SMO: variants seen among roughly 807,000 people sequenced by gnomAD.
SMO encodes the protein smoothened, frizzled class receptor, also known as protein smoothened.
SMO carries 40 observed loss-of-function variants against 81.6 expected under a neutral mutation model. That is an observed-to-expected ratio of 0.49 (90% confidence interval 0.38 to 0.64). The LOEUF is 0.64. Among genes scored for constraint, SMO ranks in the 30% least tolerant of loss-of-function variants. SMO has a pLI of 0.00. For missense variants in SMO, 916 were observed against 1,061.1 expected, an observed-to-expected ratio of 0.86 and a Z score of 1.90; for synonymous variants, 434 against 432.1, an observed-to-expected ratio of 1.00 and a Z score of -0.05.
chr7:129,206,929 T>G lies in SMO; in HGVS notation c.1264+342T>G, dbSNP rs1793776545. 2.0e-5 allele frequency among the ~76,000 whole-genome samples: 3 copies of G among 152,284 alleles called. No individual in the cohort carries two copies. Among genetic ancestry groups the G allele is most frequent in the African/African-American group, 7.2e-5 (3 of 41,570 alleles). On this transcript the variant is annotated intron_variant, in intron 6 of 11. Transcript: ENST00000249373. This position sits in a 1 kb window ranked among gnomAD's most constrained non-coding sequence, Gnocchi z 4.4. The stretch of plus-strand genomic sequence containing the variant: ...GCACAATCTTGGCTCACTGCAACCT[T>G]CGCCTCCTGGGTTCAAGTGATTCTC...
chr7:129,196,131 C>T (rs955776834), intron 1 of SMO, among the ~76,000 whole-genome samples: 1 of 144,376 alleles, frequency 6.9e-6, no homozygotes, highest in African/African-American at 2.6e-5. Flanking sequence ...AAAAAAAAAA[C>T]AAAAAAAAAT....
chr7:129,207,531 G>GTGTC (rs1421539313), intron 6 of SMO, among the ~76,000 whole-genome samples: 1 of 152,100 alleles, frequency 6.6e-6, no homozygotes, highest in Non-Finnish European at 1.5e-5. Flanking sequence ...TTTTGGCATA[G>GTGTC]TGTCTGGCCC....
intron 1 of SMO, among the ~76,000 whole-genome samples, chr7:129,194,502 G>A (rs1793538541): frequency 6.6e-6 from 1 of 152,182 alleles, no homozygotes; most frequent in Admixed American, 6.5e-5. Flanking sequence ...CTAGACCACA[G>A]TCAGACCCCT....
chr7:129,205,153 G>T (rs900658042), intron 2 of SMO, 50 bp from the exon 3 acceptor site: 10 of 1,527,290 alleles, frequency 6.5e-6, no homozygotes, highest in South Asian at 5.6e-5. Flanking sequence ...TAAACAAGAG[G>T]CTCGTCCCTG....
rs1345333442 is a variant in SMO, at chr7:129,189,632, C to A, written c.331+150C>A. The A allele has an allele frequency of 7.0e-6, 6 of 851,700 alleles. No individual in the cohort carries two copies. Among genetic ancestry groups the A allele is most frequent in the Admixed American group, 2.6e-5 (1 of 38,002 alleles). The allele number at this position is 851,700 out of a possible 1,614,324, so 52.8% of individuals were successfully genotyped here. A position where few individuals can be genotyped will look rare whatever the true frequency, so the allele number is the denominator to read the frequency against. ...GGGACAGATCCCGAAACTTTGGGGG[C>A]AGGTTACGTGCAGGATGGGACCCTC... On this transcript the variant is annotated intron_variant, in intron 1 of 11. Coordinates refer to ENST00000249373, the MANE Select transcript of SMO (RefSeq NM_005631.5). This position sits in a 1 kb window ranked among gnomAD's most constrained non-coding sequence, Gnocchi z 4.7.
intron 1 of SMO, among the ~76,000 whole-genome samples, chr7:129,198,171 C>G (rs570669895): frequency 6.6e-6 from 1 of 152,020 alleles, no homozygotes; most frequent in Non-Finnish European, 1.5e-5. Context: ...AGGTTGGTCT[C>G]GAACTCCTGA....
chr7:129,205,440 G>T (rs1182130007), intron 3 of SMO, 28 bp downstream of exon 3: 2 of 1,594,948 alleles, frequency 1.3e-6, no homozygotes, highest in South Asian at 2.2e-5. Flanking sequence ...AGGCCCGGGG[G>T]GCCCTCAGCC....
rs56116455 is a variant in SMO at position 129,209,466 on chromosome 7, C to G, written c.1466+69C>G. ...AAGGCCATAAAGACACCCACCTCCA[C>G]CCACCGGGCAGCAGGGATTTGCCAG... On this transcript the variant is annotated intron_variant, in intron 8 of 11. Coordinates refer to ENST00000249373, the MANE Select transcript of SMO (RefSeq NM_005631.5). 1.3e-3 allele frequency: 1,321 copies of G among 987,876 alleles called. 23 individuals are homozygous for G. The East Asian group carries it at 0.028, about 21-fold the overall frequency. 61.2% of individuals were successfully genotyped at this position (987,876 alleles called of 1,614,324 possible). A position where few individuals can be genotyped will look rare whatever the true frequency, so the allele number is the denominator to read the frequency against.
At position 129,206,328 on chromosome 7, in the gene SMO, C is replaced by G. The variant is rs1793765145; in HGVS notation, c.1099C>G (p.Leu367Val). ...CTACTTCCACCTGCTCACCTGGTCA[C>G]TCCCCTTTGTCCTCACTGTGGCAAT... is the stretch of plus-strand genomic sequence containing the variant. Reference protein sequence around the residue: ...TSYFHLLTWSLPFVLTVAILA... With the variant: ...TSYFHLLTWSVPFVLTVAILA... The change falls in exon 5 of 12, where the codon CTC (leucine) becomes GTC (valine). Residue 367 changes from leucine to valine, a missense_variant. Transcript: ENST00000249373. The surrounding 1 kb of genome is among the most constrained non-coding windows in gnomAD (Gnocchi z 4.4). The G allele has an allele frequency of 6.2e-7, 1 of 1,614,220 alleles. No homozygotes were observed. Among genetic ancestry groups the G allele is most frequent in the African/African-American group, 1.3e-5 (1 of 75,062 alleles).
rs1451691975 is a variant in SMO at position 129,210,312 on chromosome 7, G to A, written c.1467-51G>A. On this transcript the variant is annotated intron_variant, in intron 8 of 11. Transcript: ENST00000249373. This position sits in a 1 kb window ranked among gnomAD's most constrained non-coding sequence, Gnocchi z 4.7. The stretch of plus-strand genomic sequence containing the variant: ...AGAGCAAGATCCTATCTCAAAAAAA[G>A]AGAGAGGAAAAGAAAGGAAAGCCTC... 6.7e-7 allele frequency: 1 copy of A among 1,485,724 alleles called. No individual in the cohort carries two copies. The highest frequency in any genetic ancestry group is 9.4e-7 in the Non-Finnish European group (1 of 1,065,906). The allele number at this position is 1,485,724 out of a possible 1,614,324, so 92.0% of individuals were successfully genotyped here.
Position 129,189,044 on chromosome 7 carries a change from C to T in SMO, c.-108C>T. On this transcript the variant is annotated 5_prime_UTR_variant, in exon 1 of 12. The change creates a premature stop within an existing upstream ORF in the 5' untranslated region. Transcript: ENST00000249373. This position sits in a 1 kb window ranked among gnomAD's most constrained non-coding sequence, Gnocchi z 4.7. ...CCCGGGCCCGGATTCTCTGGGCGCA[C>T]AGGTCGCCTGAGCCGCCTCCGCGGC... 1 of 1,034,208 alleles carries T rather than the reference C, an allele frequency of 9.7e-7. No homozygotes were observed. The highest frequency in any genetic ancestry group is 1.2e-6 in the Non-Finnish European group (1 of 815,358). The allele number at this position is 1,034,208 out of a possible 1,614,324, so 64.1% of individuals were successfully genotyped here. A position where few individuals can be genotyped will look rare whatever the true frequency, so the allele number is the denominator to read the frequency against.
At position 129,188,698 on chromosome 7, in the gene SMO, G is replaced by C. The variant is rs1265579215; in HGVS notation, c.-454G>C. ...GGTCGCCGGCGGGGAGAGTTCGGGGGGCTGCGGCGCGCTGGGGCGAAGGTG... is the reference window on the plus strand; with the variant it reads ...GGTCGCCGGCGGGGAGAGTTCGGGGCGCTGCGGCGCGCTGGGGCGAAGGTG... On this transcript the variant is annotated 5_prime_UTR_variant, in exon 1 of 12. Transcript: ENST00000249373. The surrounding 1 kb of genome is among the most constrained non-coding windows in gnomAD (Gnocchi z 4.9). 6.6e-6 allele frequency among the ~76,000 whole-genome samples: 1 copy of C among 152,202 alleles called. No homozygotes were observed. Among genetic ancestry groups the C allele is most frequent in the African/African-American group, 2.4e-5 (1 of 41,554 alleles).
chr7:129,201,319 C>G (rs962081920), intron 1 of SMO, among the ~76,000 whole-genome samples: 1 of 152,174 alleles, frequency 6.6e-6, no homozygotes, highest in South Asian at 2.1e-4. Context: ...TCTGGGATTA[C>G]AGGTTTGAGC....
intron 1 of SMO, among the ~76,000 whole-genome samples, chr7:129,196,152 G>A (rs186755388): frequency 1.6e-4 from 25 of 151,568 alleles, no homozygotes; most frequent in South Asian, 8.3e-4. Context: ...TATGTACTGC[G>A]ATGTGTTGCT....
chr7:129,195,898 G>A (rs551956085), intron 1 of SMO, among the ~76,000 whole-genome samples: 55 of 152,064 alleles, frequency 3.6e-4, no homozygotes, highest in Non-Finnish European at 6.9e-4. Flanking sequence ...TCAGGAAGTC[G>A]AGACCATCCT....
Position 129,189,315 on chromosome 7 carries a change from C to T in SMO, c.164C>T (p.Thr55Ile), listed in dbSNP as rs1363551380. 6.7e-7 allele frequency: 1 copy of T among 1,492,564 alleles called. No individual in the cohort carries two copies. Among genetic ancestry groups the T allele is most frequent in the African/African-American group, 1.5e-5 (1 of 68,578 alleles). The allele number at this position is 1,492,564 out of a possible 1,614,324, so 92.5% of individuals were successfully genotyped here. ...AGCGCGAGGAGGAGCGCGGCGGTGACTGGCCCTCCGCCGCCGCTGAGCCAC... is the reference window on the plus strand; with the variant it reads ...AGCGCGAGGAGGAGCGCGGCGGTGATTGGCCCTCCGCCGCCGCTGAGCCAC... ...GGSARRSAAV[T>I]GPPPPLSHCG... The change falls in exon 1 of 12, where the codon ACT becomes ATT. Residue 55 changes from threonine (T) to isoleucine (I), a missense_variant. Coordinates refer to ENST00000249373, the MANE Select transcript of SMO (RefSeq NM_005631.5). The surrounding 1 kb of genome is among the most constrained non-coding windows in gnomAD (Gnocchi z 4.7).
chr7:129,212,236 G>T lies in SMO; in HGVS notation c.2149G>T (p.Gly717Cys), dbSNP rs772640174. ...LPRQKCLVAA[G>C]AWGAGDSCRQ... ...CCGGCAGAAATGCCTGGTGGCTGCAGGTGCCTGGGGAGCTGGGGACTCTTG... is the reference window on the plus strand; with the variant it reads ...CCGGCAGAAATGCCTGGTGGCTGCATGTGCCTGGGGAGCTGGGGACTCTTG... Residue 717 changes from glycine (G) to cysteine (C), a missense_variant, in exon 12 of 12, where the codon GGT becomes TGT. Around this residue, in one of 4 missense-constraint regions of SMO, gnomAD observed 324 missense variants for 312.9 expected, o/e 1.04. Transcript: ENST00000249373. This position sits in a 1 kb window ranked among gnomAD's most constrained non-coding sequence, Gnocchi z 5.0. The T allele has an allele frequency of 1.9e-6, 3 of 1,594,048 alleles. No individual in the cohort carries two copies. Among genetic ancestry groups the T allele is most frequent in the Non-Finnish European group, 2.6e-6 (3 of 1,170,372 alleles).
At chr7:129,194,970 AC>A (rs1793548116) in intron 1 of SMO, among the ~76,000 whole-genome samples, 1 of 152,086 alleles carries the variant, frequency 6.6e-6, no homozygotes, top group Non-Finnish European at 1.5e-5. Flanking sequence ...TTTAGTAGAG[AC>A]AGGGTTTTGC....
In SMO at chr7:129,193,802, ATATATATATATATATG is replaced by A. The variant is rs1385931366; in HGVS notation, c.331+4325_331+4340del. On this transcript the variant is annotated intron_variant, in intron 1 of 11. Transcript: ENST00000249373. ...AAAAAAAAAATATATATATATATATATATATATATATATATGTATAGGCTGGGTGCAGTGGCTCACA... is the reference window on the plus strand; with the variant it reads ...AAAAAAAAAATATATATATATATATATATAGGCTGGGTGCAGTGGCTCACA... Among the ~76,000 whole-genome samples, 4 of 108,318 alleles carry A rather than the reference ATATATATATATATATG, an allele frequency of 3.7e-5. 1 individual carries two copies. Among genetic ancestry groups the A allele is most frequent in the African/African-American group, 1.5e-4 (4 of 26,912 alleles). The allele number at this position is 108,318 out of a possible 152,430, so 71.1% of individuals were successfully genotyped here. A position where few individuals can be genotyped will look rare whatever the true frequency, so the allele number is the denominator to read the frequency against.
Sources: gnomAD v4.1 joint callset for allele counts (sites outside exome capture counted in the v4.1 genomes callset) on GRCh38, gnomAD v4.1.1 for gene constraint, gnomAD v4.1.1 regional missense constraint, Gnocchi (gnomAD v3.1) non-coding constraint, MANE v1.5 for transcripts, NCBI Gene and HGNC (gene_info 2026-07-23, HGNC 2026-07-21) for gene names.